Variants in PARD3B observed in about 807,000 individuals in gnomAD.
PARD3B encodes par-3 family cell polarity regulator beta.
In PARD3B, 103 loss-of-function variants were observed where a neutral mutation model predicts 130.2. The ratio of observed to expected loss-of-function variants is 0.79; its 90% CI spans 0.67 to 0.93. The LOEUF is 0.93. Among genes scored for constraint, PARD3B ranks in the 40% least tolerant of loss-of-function variants. The pLI is 0.00. For synonymous variants in PARD3B, 583 were observed against 553.2 expected, an observed-to-expected ratio of 1.05 and a Z score of -0.76; for missense variants, 1,609 against 1,499.2, an observed-to-expected ratio of 1.07 and a Z score of -1.21.
At chr2:205,433,661 C>A (rs1274547876) in intron 19 of PARD3B, among the ~76,000 whole-genome samples, 3 of 151,796 alleles carry the variant, frequency 2.0e-5, no homozygotes, top group African/African-American at 7.3e-5. Flanking sequence ...CAGAACATTT[C>A]TAGCACCCAT....
intron 16 of PARD3B, among the ~76,000 whole-genome samples, chr2:205,296,985 T>G (rs552271764): frequency 6.6e-6 from 1 of 152,234 alleles, no homozygotes; most frequent in South Asian, 2.1e-4. Context: ...GAATAATTTT[T>G]ATGTGAGATC....
chr2:205,051,121 G>T (rs1699163761), intron 4 of PARD3B, among the ~76,000 whole-genome samples: 1 of 152,112 alleles, frequency 6.6e-6, no homozygotes, highest in East Asian at 1.9e-4. Context: ...TGCAGAGGAG[G>T]TTCTGTGTGG....
In PARD3B at chr2:205,216,306, A is replaced by G. The variant is rs146888246; in HGVS notation, c.2140+22986A>G. Among the ~76,000 whole-genome samples the G allele has an allele frequency of 9.7e-4, 147 of 152,276 alleles. 2 individuals carry two copies. The highest frequency in any genetic ancestry group is 3.2e-3 in the African/African-American group (132 of 41,564). On this transcript the variant is annotated intron_variant, in intron 15 of 22. Coordinates refer to ENST00000406610, the MANE Select transcript of PARD3B (RefSeq NM_001302769.2). ...AAGTACGTGTTATGATGTTCACACA[A>G]TGATGAAACTGCCTAGCAATGCATT... is the stretch of plus-strand genomic sequence containing the variant.
At chr2:204,976,186 A>G (rs1391792087) in intron 3 of PARD3B, among the ~76,000 whole-genome samples, 2 of 152,216 alleles carry the variant, frequency 1.3e-5, no homozygotes, top group Non-Finnish European at 2.9e-5. Flanking sequence ...GCAAGTAGGC[A>G]ATGGAATGTT....
chr2:204,581,131 C>G (rs1484227120), intron 1 of PARD3B, among the ~76,000 whole-genome samples: 1 of 152,156 alleles, frequency 6.6e-6, no homozygotes, highest in African/African-American at 2.4e-5. Context: ...CACAAGAAGT[C>G]TAACCCATTT....
At chr2:204,680,526 GT>G (rs886108493) in intron 1 of PARD3B, among the ~76,000 whole-genome samples, 1 of 151,430 alleles carries the variant, frequency 6.6e-6, no homozygotes, top group Non-Finnish European at 1.5e-5. Flanking sequence ...TTTATTTGTT[GT>G]TTTTTTATTT....
intron 18 of PARD3B, among the ~76,000 whole-genome samples, chr2:205,328,002 C>T (rs4673319): frequency 0.61 from 92,321 of 151,868 alleles, 31,058 homozygotes; most frequent in South Asian, 0.77. Context: ...GAAAGCATTA[C>T]GTATAGGGAT....
chr2:204,760,944 T>C (rs1172395923), intron 2 of PARD3B, among the ~76,000 whole-genome samples: 1 of 152,212 alleles, frequency 6.6e-6, no homozygotes, highest in Non-Finnish European at 1.5e-5. Flanking sequence ...AGCATCTTAA[T>C]AGCTGCCACA....
intron 2 of PARD3B, among the ~76,000 whole-genome samples, chr2:204,693,581 T>C (rs942744645): frequency 2.0e-5 from 3 of 152,092 alleles, no homozygotes; most frequent in Non-Finnish European, 4.4e-5. Context: ...TAACACACTA[T>C]TAATAATGTA....
chr2:204,834,972 A>T (rs1444133200), intron 2 of PARD3B, among the ~76,000 whole-genome samples: 1 of 152,226 alleles, frequency 6.6e-6, no homozygotes, highest in African/African-American at 2.4e-5. Context: ...TCCTAGTGTC[A>T]CCACTTACCT....
intron 16 of PARD3B, among the ~76,000 whole-genome samples, chr2:205,256,542 T>C (rs1559594215): frequency 6.6e-6 from 1 of 152,156 alleles, no homozygotes; most frequent in South Asian, 2.1e-4. Context: ...AAGATTATGG[T>C]TGGGGGTCAA....
At position 205,158,491 on chromosome 2, in the gene PARD3B, A is replaced by G. The variant is rs1449341196; in HGVS notation, c.1435-231A>G. ...TCTGACTTGCCAAACGATCCTCTCT[A>G]TTGACCATTACCGAATAGTATTCCC... On this transcript the variant is annotated intron_variant, in intron 10 of 22. Transcript: ENST00000406610. The surrounding 1 kb of genome is among the most constrained non-coding windows in gnomAD (Gnocchi z 5.4). Among the ~76,000 whole-genome samples the G allele has an allele frequency of 6.6e-6, 1 of 152,120 alleles. No homozygotes were observed. Among genetic ancestry groups the G allele is most frequent in the African/African-American group, 2.4e-5 (1 of 41,412 alleles).
At chr2:204,860,226 T>C (rs1316873755) in intron 2 of PARD3B, among the ~76,000 whole-genome samples, 24 of 152,084 alleles carry the variant, frequency 1.6e-4, no homozygotes, top group Non-Finnish European at 2.9e-5. Context: ...AAAAAAAAAA[T>C]CAAAGGAAAT....
intron 22 of PARD3B, among the ~76,000 whole-genome samples, chr2:205,554,409 G>C (rs2052788625): frequency 6.6e-6 from 1 of 152,164 alleles, no homozygotes; most frequent in Non-Finnish European, 1.5e-5. Context: ...TTTATAAATA[G>C]TATGTTATTT....
chr2:205,130,732 C>T (rs2031922202), intron 10 of PARD3B, among the ~76,000 whole-genome samples: 1 of 152,150 alleles, frequency 6.6e-6, no homozygotes, highest in Non-Finnish European at 1.5e-5. Context: ...CCACGTTTGC[C>T]TGCTATTTGA....
chr2:205,005,034 C>G (rs575495245), intron 3 of PARD3B, among the ~76,000 whole-genome samples: 1 of 152,060 alleles, frequency 6.6e-6, no homozygotes, highest in African/African-American at 2.4e-5. Context: ...AAATTCTGTT[C>G]TTTTAAATCA....
chr2:205,579,930 CTTAA>C (rs902148593), intron 22 of PARD3B, among the ~76,000 whole-genome samples: 1 of 152,020 alleles, frequency 6.6e-6, no homozygotes, highest in Admixed American at 6.6e-5. Flanking sequence ...TCATTGTATT[CTTAA>C]TTATTTTTAA....
intron 1 of PARD3B, among the ~76,000 whole-genome samples, chr2:204,597,583 C>A (rs1323983444): frequency 6.6e-6 from 1 of 152,170 alleles, no homozygotes; most frequent in Non-Finnish European, 1.5e-5. Context: ...GGCTGGGGAG[C>A]AGGTGATGTT....
At position 205,021,971 on chromosome 2, in the gene PARD3B, C is replaced by T. The variant is rs1426251543; in HGVS notation, c.395-25610C>T. On this transcript the variant is annotated intron_variant, in intron 3 of 22. Transcript: ENST00000406610. The surrounding 1 kb of genome is among the most constrained non-coding windows in gnomAD (Gnocchi z 4.5). ...TACTCCAAAAAATCCAATGCAAAAA[C>T]TCCAAAATATCAAAAGCTACCTTTT... Among the ~76,000 whole-genome samples the T allele has an allele frequency of 6.6e-6, 1 of 152,090 alleles. No homozygotes were observed. Among genetic ancestry groups the T allele is most frequent in the Non-Finnish European group, 1.5e-5 (1 of 68,018 alleles).
Sources: allele counts gnomAD v4.1 joint callset (sites outside exome capture counted in the v4.1 genomes callset), GRCh38; gene constraint gnomAD v4.1.1; non-coding constraint Gnocchi (gnomAD v3.1); transcripts MANE v1.5; gene names NCBI Gene and HGNC (gene_info 2026-07-23, HGNC 2026-07-21).